Variants in GABRG3 observed in about 807,000 individuals in gnomAD.
GABRG3 encodes the protein gamma-aminobutyric acid receptor subunit gamma-3.
GABRG3 carries 25 observed loss-of-function variants against 48.8 expected under a neutral mutation model. That is an observed-to-expected ratio of 0.51 (90% confidence interval 0.37 to 0.72). GABRG3 has a LOEUF of 0.72. Among genes scored for constraint, GABRG3 ranks in the 30% least tolerant of loss-of-function variants. The pLI, the probability that GABRG3 is intolerant of heterozygous loss-of-function variation, is 0.00. For missense variants in GABRG3, 394 were observed against 577.9 expected, an observed-to-expected ratio of 0.68 and a Z score of 3.26; for synonymous variants, 227 against 217.6, an observed-to-expected ratio of 1.04 and a Z score of -0.38.
At chr15:27,196,669 T>C (rs1445104282) in intron 3 of GABRG3, among the ~76,000 whole-genome samples, 1 of 152,242 alleles carries the variant, frequency 6.6e-6, no homozygotes, top group Non-Finnish European at 1.5e-5. Flanking sequence ...TATGTCCTAA[T>C]AGACAACATT....
chr15:27,261,371 C>T (rs1375428474), intron 3 of GABRG3, among the ~76,000 whole-genome samples: 1 of 151,978 alleles, frequency 6.6e-6, no homozygotes, highest in Admixed American at 6.6e-5. Flanking sequence ...CTGCAGTTAA[C>T]TGTCAGGACT....
intron 3 of GABRG3, among the ~76,000 whole-genome samples, chr15:27,028,804 T>TAA (rs1896028766): frequency 1.8e-5 from 1 of 56,462 alleles, no homozygotes; most frequent in Admixed American, 2.6e-4. Context: ...AGACTTCATC[T>TAA]CAAAAAAAAA....
Position 26,971,577 on chromosome 15 carries a change from C to T in GABRG3, c.42C>T (p.Gly14=), listed in dbSNP as rs904898505. 12 of 1,529,520 alleles carry T rather than the reference C, an allele frequency of 7.8e-6. No individual in the cohort carries two copies. The highest frequency in any genetic ancestry group is 2.4e-5 in the South Asian group (2 of 81,886). The allele number at this position is 1,529,520 out of a possible 1,614,324, so 94.7% of individuals were successfully genotyped here. The change falls in exon 1 of 10, where the codon GGC becomes GGT. Residue 14 remains glycine, a synonymous_variant. Transcript: ENST00000615808. ...KLLLLLCLFS[G]LHARSRKVEE... ...TGCTCCTCCTCTGCCTGTTCTCGGG[C>T]TTGCACGCGCGGTAAGTGGCGCGGG...
intron 5 of GABRG3, among the ~76,000 whole-genome samples, chr15:27,479,190 T>G (rs932545945): frequency 6.6e-6 from 1 of 152,028 alleles, no homozygotes; most frequent in African/African-American, 2.4e-5. Flanking sequence ...GCATTATGTC[T>G]CAAATAAAGG....
At chr15:27,052,849 A>G (rs1896478283) in intron 3 of GABRG3, among the ~76,000 whole-genome samples, 1 of 152,212 alleles carries the variant, frequency 6.6e-6, no homozygotes, top group Admixed American at 6.5e-5. Context: ...GATAACCCAG[A>G]AATAAAGCAA....
chr15:27,465,348 G>C (rs8033600), intron 5 of GABRG3, among the ~76,000 whole-genome samples: 57,955 of 152,104 alleles, frequency 0.38, 14,376 homozygotes, highest in African/African-American at 0.69. Flanking sequence ...GGATACAAAC[G>C]TAAGGTCTCT....
rs1889855422 is a variant in GABRG3 at position 27,473,731 on chromosome 15, A to G, written c.575-6919A>G. ...AAAAGAATCTATGATTATGACTAGA[A>G]CTGTGATTTCTCTGCGATGCTGTAG... On this transcript the variant is annotated intron_variant, in intron 5 of 9. Coordinates refer to ENST00000615808, the MANE Select transcript of GABRG3 (RefSeq NM_033223.5). 2.0e-5 allele frequency among the ~76,000 whole-genome samples: 3 copies of G among 152,194 alleles called. No individual in the cohort carries two copies. The South Asian group carries it at 6.2e-4, about 32-fold the overall frequency.
At chr15:27,016,788 CTT>C (rs1330619497) in intron 2 of GABRG3, among the ~76,000 whole-genome samples, 1 of 151,928 alleles carries the variant, frequency 6.6e-6, no homozygotes, top group African/African-American at 2.4e-5. Flanking sequence ...TTGCTTCACT[CTT>C]TTTTTTGTTT....
intron 6 of GABRG3, among the ~76,000 whole-genome samples, chr15:27,484,075 C>T (rs1047961322): frequency 6.6e-5 from 10 of 152,144 alleles, no homozygotes; most frequent in Non-Finnish European, 1.5e-4. Context: ...GCTGGGATTA[C>T]AGGCTCCTGC....
At chr15:27,380,682 T>C (rs1895738302) in intron 5 of GABRG3, among the ~76,000 whole-genome samples, 1 of 152,006 alleles carries the variant, frequency 6.6e-6, no homozygotes, top group East Asian at 1.9e-4. Flanking sequence ...GTCTGAGTCA[T>C]GTAATTCCTT....
chr15:27,071,445 A>C (rs1001272867), intron 3 of GABRG3, among the ~76,000 whole-genome samples: 1 of 152,214 alleles, frequency 6.6e-6, no homozygotes, highest in Admixed American at 6.5e-5. Context: ...TGGTAAATGC[A>C]GCAACGACAC....
At chr15:27,437,488 T>C (rs550131901) in intron 5 of GABRG3, among the ~76,000 whole-genome samples, 1 of 152,362 alleles carries the variant, frequency 6.6e-6, no homozygotes, top group South Asian at 2.1e-4. Context: ...CTCTACTCCT[T>C]GTCCCTGCTC....
At chr15:27,157,025 C>T (rs973987423) in intron 3 of GABRG3, among the ~76,000 whole-genome samples, 2 of 152,178 alleles carry the variant, frequency 1.3e-5, no homozygotes, top group African/African-American at 4.8e-5. Flanking sequence ...CTCCCTCCCC[C>T]AGCCCCAAGT....
intron 3 of GABRG3, among the ~76,000 whole-genome samples, chr15:27,154,549 C>G (rs888703247): frequency 2.6e-5 from 4 of 152,170 alleles, no homozygotes; most frequent in Non-Finnish European, 5.9e-5. Flanking sequence ...ATGGGTGTTG[C>G]ATTTTGTTTG....
At position 27,236,244 on chromosome 15, in the gene GABRG3, T is replaced by A. The variant is rs939316445; in HGVS notation, c.271-90565T>A. Reference sequence around the variant, plus strand: ...GTGGAGACTCTGATGTGCTCAGCGCTACATGAGTGAAGTCCCTCAGTCTCC... The same window carrying A: ...GTGGAGACTCTGATGTGCTCAGCGCAACATGAGTGAAGTCCCTCAGTCTCC... On this transcript the variant is annotated intron_variant, in intron 3 of 9. Coordinates refer to ENST00000615808, the MANE Select transcript of GABRG3 (RefSeq NM_033223.5). This position sits in a 1 kb window ranked among gnomAD's most constrained non-coding sequence, Gnocchi z 4.4. Among the ~76,000 whole-genome samples, 1 of 152,202 alleles carries A rather than the reference T, an allele frequency of 6.6e-6. No individual in the cohort carries two copies. Among genetic ancestry groups the A allele is most frequent in the African/African-American group, 2.4e-5 (1 of 41,464 alleles).
At chr15:27,092,745 G>C (rs1239476314) in intron 3 of GABRG3, among the ~76,000 whole-genome samples, 2 of 152,148 alleles carry the variant, frequency 1.3e-5, no homozygotes, top group African/African-American at 4.8e-5. Context: ...CAGGAAGGGC[G>C]GGACCTTTGA....
At chr15:27,113,570 G>A (rs1452632148) in intron 3 of GABRG3, among the ~76,000 whole-genome samples, 1 of 152,192 alleles carries the variant, frequency 6.6e-6, no homozygotes, top group East Asian at 1.9e-4. Flanking sequence ...GGAGCTTAAA[G>A]GCCTCTGCAC....
chr15:27,018,770 A>G (rs1433694616), intron 2 of GABRG3, among the ~76,000 whole-genome samples: 2 of 152,162 alleles, frequency 1.3e-5, no homozygotes, highest in African/African-American at 4.8e-5. Context: ...ACATTTTTGC[A>G]TGGACTCAGA....
intron 5 of GABRG3, among the ~76,000 whole-genome samples, chr15:27,427,774 A>G (rs1182797960): frequency 2.0e-5 from 3 of 152,200 alleles, no homozygotes; most frequent in African/African-American, 7.2e-5. Flanking sequence ...TATGTTGGAA[A>G]TTTTATTCTT....
Sources: gnomAD v4.1 joint callset for allele counts (sites outside exome capture counted in the v4.1 genomes callset) on GRCh38, gnomAD v4.1.1 for gene constraint, Gnocchi (gnomAD v3.1) non-coding constraint, MANE v1.5 for transcripts, NCBI Gene and HGNC (gene_info 2026-07-23, HGNC 2026-07-21) for gene names.